TAF4: variants seen among roughly 807,000 people sequenced by gnomAD.
TAF4 encodes TATA-box binding protein associated factor 4.
Under a neutral mutation model 90.3 loss-of-function variants are expected in TAF4, and 9 were observed. The ratio of observed to expected loss-of-function variants is 0.10; its 90% CI spans 0.06 to 0.17. TAF4 has a LOEUF of 0.17. Among genes scored for constraint, TAF4 ranks in the 10% least tolerant of loss-of-function variants. The probability of loss-of-function intolerance (pLI) is 1.00; values close to 1 mark genes in which losing one functional copy is unlikely to be tolerated. For missense variants in TAF4, 1,351 were observed against 1,370.7 expected (o/e 0.99, Z 0.23); for synonymous variants, 818 against 638.9 (o/e 1.28, Z -4.23).
chr20:62,042,331 T>C (rs2055968362), intron 1 of TAF4, among the ~76,000 whole-genome samples: 1 of 152,194 alleles, frequency 6.6e-6, no homozygotes, highest in Non-Finnish European at 1.5e-5. Flanking sequence ...CTCATCCATC[T>C]CACTGAAGGC....
At chr20:61,998,565 C>T (rs1443954400) in intron 12 of TAF4, among the ~76,000 whole-genome samples, 2 of 152,210 alleles carry the variant, frequency 1.3e-5, no homozygotes, top group Admixed American at 1.3e-4. Context: ...AGCAAGTGCT[C>T]CTCCCACTCC....
At chr20:62,014,138 A>G (rs1432271236) in intron 2 of TAF4, among the ~76,000 whole-genome samples, 2 of 151,898 alleles carry the variant, frequency 1.3e-5, no homozygotes, top group East Asian at 1.9e-4. Flanking sequence ...TGGTGCCTTA[A>G]AAGTCTCCAT....
At chr20:62,029,461 G>T (rs1171117908) in intron 1 of TAF4, among the ~76,000 whole-genome samples, 1 of 148,602 alleles carries the variant, frequency 6.7e-6, no homozygotes, top group Non-Finnish European at 1.5e-5. Context: ...CAGCACCAGG[G>T]CCCAGTGCCC....
At chr20:62,018,405 C>T (rs924355238) in intron 1 of TAF4, among the ~76,000 whole-genome samples, 7 of 152,242 alleles carry the variant, frequency 4.6e-5, no homozygotes, top group African/African-American at 1.2e-4. Context: ...CATCTATTCA[C>T]GCCAAGGCAA....
chr20:62,009,964 G>A, intron 4 of TAF4, 82 bp downstream of exon 4: 2 of 1,592,422 alleles, frequency 1.3e-6, no homozygotes, highest in South Asian at 2.2e-5. Context: ...ACAGAAGCCG[G>A]CCTGAGGTCT....
At chr20:62,026,974 C>T (rs2055878389) in intron 1 of TAF4, among the ~76,000 whole-genome samples, 1 of 152,234 alleles carries the variant, frequency 6.6e-6, no homozygotes, top group African/African-American at 2.4e-5. Context: ...TGATTTGTTT[C>T]ACTCGTTAAT....
Position 61,998,099 on chromosome 20 carries a change from A to G in TAF4, c.2970+37T>C, listed in dbSNP as rs368236053. The G allele has an allele frequency of 2.0e-5, 32 of 1,608,514 alleles. No individual in the cohort carries two copies. In the African/African-American group the frequency reaches 3.9e-4, roughly 19 times the overall value. On this transcript the variant is annotated intron_variant, in intron 13 of 14. Transcript: ENST00000252996. The stretch of plus-strand genomic sequence containing the variant: ...CCCGTGGGGCGCTACAGTGCACAGC[A>G]AAGTGCCCACGAGCACTCACGACTA...
At chr20:62,062,390 T>C (rs1162090641) in intron 1 of TAF4, among the ~76,000 whole-genome samples, 2 of 152,220 alleles carry the variant, frequency 1.3e-5, no homozygotes, top group Admixed American at 6.5e-5. Flanking sequence ...ATACTGGTAG[T>C]TTTATTGATA....
chr20:62,000,038 G>A lies in TAF4; in HGVS notation c.2787+86C>T, dbSNP rs2055689184. On this transcript the variant is annotated intron_variant, in intron 11 of 14. Transcript: ENST00000252996. ...AGGCACTTGGGACCCACCGCCCTCT[G>A]CCTCGGTGTGGGGAGGAGGCTCCCA... 7.6e-6 allele frequency: 12 copies of A among 1,587,620 alleles called. No individual in the cohort carries two copies. In the South Asian group the frequency reaches 1.2e-4, roughly 16 times the overall value.
intron 1 of TAF4, 151 bp downstream of exon 1, chr20:62,064,300 C>T: frequency 1.1e-6 from 1 of 939,798 alleles, no homozygotes; most frequent in South Asian, 4.2e-5. Flanking sequence ...GGGCTGGCCC[C>T]GCACCTGGGT....
intron 1 of TAF4, among the ~76,000 whole-genome samples, chr20:62,038,150 T>TC (rs1460605004): frequency 1.3e-5 from 2 of 152,158 alleles, no homozygotes; most frequent in Middle Eastern, 3.4e-3. Context: ...TGCCTCAGCC[T>TC]CCAGGTGGCT....
chr20:61,993,255 C>A (rs1396241813), intron 14 of TAF4, among the ~76,000 whole-genome samples: 1 of 152,222 alleles, frequency 6.6e-6, no homozygotes, highest in Non-Finnish European at 1.5e-5. Flanking sequence ...ACAGCCCAGA[C>A]CCGTGTCCTC....
intron 2 of TAF4, among the ~76,000 whole-genome samples, chr20:62,014,319 G>A (rs1291455811): frequency 1.3e-5 from 2 of 152,126 alleles, no homozygotes; most frequent in Non-Finnish European, 2.9e-5. Flanking sequence ...GTGGGCTGCG[G>A]GAGCTGGTGT....
At position 62,010,650 on chromosome 20, in the gene TAF4, C is replaced by A. The variant is rs2055773332; in HGVS notation, c.1642-485G>T. On this transcript the variant is annotated intron_variant, in intron 3 of 14. Coordinates refer to ENST00000252996, the MANE Select transcript of TAF4 (RefSeq NM_003185.4). The surrounding 1 kb of genome is among the most constrained non-coding windows in gnomAD (Gnocchi z 4.5). ...CTCCCATAGGGGAGGGTCCCCAGCTCCCTGCAATCACCCAAACCCACCTTT... is the reference window on the plus strand; with the variant it reads ...CTCCCATAGGGGAGGGTCCCCAGCTACCTGCAATCACCCAAACCCACCTTT... Among the ~76,000 whole-genome samples the A allele has an allele frequency of 6.6e-6, 1 of 152,146 alleles. No homozygotes were observed. The highest frequency in any genetic ancestry group is 1.5e-5 in the Non-Finnish European group (1 of 68,042).
At position 62,013,909 on chromosome 20, in the gene TAF4, GTGTGTGTGTGTGTGTGTGT is replaced by G. The variant is rs2055794999; in HGVS notation, c.1521+619_1521+637del. Among the ~76,000 whole-genome samples, 3 of 79,076 alleles carry G rather than the reference GTGTGTGTGTGTGTGTGTGT, an allele frequency of 3.8e-5. No individual in the cohort carries two copies. In the South Asian group the frequency reaches 1.0e-3, roughly 28 times the overall value. 51.9% of individuals were successfully genotyped at this position (79,076 alleles called of 152,430 possible). On this transcript the variant is annotated intron_variant, in intron 2 of 14. Transcript: ENST00000252996. ...TTCGGCCCTGAAGGCTGACGCGGGT[GTGTGTGTGTGTGTGTGTGT>G]GTGTGTGTGTGTGTGTGTGTGTGAA...
rs1170276790 is a variant in TAF4, at chr20:62,065,395, G to C, written c.416C>G (p.Pro139Arg). Residue 139 changes from proline to arginine, a missense_variant, in exon 1 of 15, where the codon CCG (proline) becomes CGG (arginine). Pro to Arg is a moderately radical substitution (Grantham distance 103). Transcript: ENST00000252996. ...GGCGACGGCGGCGGCGGCGGGCACC[G>C]GGGCGCAGGACCCCGCGCTGCCCTC... The part of the protein sequence containing the change: ...PPEGSAGSCA[P>R]VPAAAAVAAG... 1.2e-5 allele frequency: 12 copies of C among 972,964 alleles called. No homozygotes were observed. Among genetic ancestry groups the C allele is most frequent in the Non-Finnish European group, 1.3e-5 (11 of 823,404 alleles). The allele number at this position is 972,964 out of a possible 1,614,324, so 60.3% of individuals were successfully genotyped here. A position where few individuals can be genotyped will look rare whatever the true frequency, so the allele number is the denominator to read the frequency against.
In TAF4 at chr20:62,064,353, C is replaced by CA. The variant is rs550235624; in HGVS notation, c.1360+97dup. ...CTGCTCCAGCCACGGGCCTACGGGACAGATGACCTTAGCATTCCACCAGCG... is the reference window on the plus strand; with the variant it reads ...CTGCTCCAGCCACGGGCCTACGGGACAAGATGACCTTAGCATTCCACCAGCG... On this transcript the variant is annotated intron_variant, in intron 1 of 14. Transcript: ENST00000252996. The CA allele has an allele frequency of 8.8e-3, 10,917 of 1,240,068 alleles. 56 individuals carry two copies. Among genetic ancestry groups the CA allele is most frequent in the South Asian group, 0.016 (563 of 36,210 alleles). 76.8% of individuals were successfully genotyped at this position (1,240,068 alleles called of 1,614,324 possible).
At chr20:62,047,544 G>A (rs151175299) in intron 1 of TAF4, among the ~76,000 whole-genome samples, 91 of 152,224 alleles carry the variant, frequency 6.0e-4, no homozygotes, top group Middle Eastern at 3.4e-3. Context: ...AGAAAGGGGC[G>A]CTGAGAAGAG....
In TAF4 at chr20:62,008,957, C is replaced by T. The variant is rs565919928; in HGVS notation, c.1884+95G>A. 1.4e-4 allele frequency: 214 copies of T among 1,484,790 alleles called. 1 individual carries two copies. The highest frequency in any genetic ancestry group is 2.0e-5 in the Non-Finnish European group (22 of 1,118,642). The allele number at this position is 1,484,790 out of a possible 1,614,324, so 92.0% of individuals were successfully genotyped here. On this transcript the variant is annotated intron_variant, in intron 5 of 14. Transcript: ENST00000252996. ...CTTCCAGAGGAGCTCTCCCTGCTGG[C>T]ACAGGCCTCCCGGGCACAGGTCACA...
Sources: gnomAD v4.1 joint callset for allele counts (sites outside exome capture counted in the v4.1 genomes callset) on GRCh38, gnomAD v4.1.1 for gene constraint, Gnocchi (gnomAD v3.1) non-coding constraint, MANE v1.5 for transcripts, NCBI Gene and HGNC (gene_info 2026-07-23, HGNC 2026-07-21) for gene names.